MAGI2: variants seen among roughly 807,000 people sequenced by gnomAD.
MAGI2 encodes the protein membrane associated guanylate kinase, WW and PDZ domain containing 2, also known as membrane-associated guanylate kinase, WW and PDZ domain-containing protein 2.
In MAGI2, 35 loss-of-function variants were observed where a neutral mutation model predicts 133.3. That is an observed-to-expected ratio of 0.26 (90% CI 0.20 to 0.35). The LOEUF is 0.35. Among genes scored for constraint, MAGI2 ranks in the 10% least tolerant of loss-of-function variants. The probability of loss-of-function intolerance (pLI) is 1.00; values close to 1 mark genes in which losing one functional copy is unlikely to be tolerated. For synonymous variants in MAGI2, 729 were observed against 710.6 expected, an observed-to-expected ratio of 1.03 and a Z score of -0.41; for missense variants, 1,636 against 1,863.4, an observed-to-expected ratio of 0.88 and a Z score of 2.25.
intron 12 of MAGI2, among the ~76,000 whole-genome samples, chr7:78,192,231 C>A (rs1387206139): frequency 6.6e-6 from 1 of 152,046 alleles, no homozygotes; most frequent in Non-Finnish European, 1.5e-5. Flanking sequence ...TGATTTTTCC[C>A]CCCCCAGGAA....
intron 2 of MAGI2, among the ~76,000 whole-genome samples, chr7:78,739,441 G>C (rs937109628): frequency 6.6e-6 from 1 of 152,136 alleles, no homozygotes; most frequent in East Asian, 1.9e-4. Context: ...GTGATAGAAC[G>C]AGGTGCCACT....
chr7:78,194,238 C>G (rs1828507099), intron 12 of MAGI2, among the ~76,000 whole-genome samples: 1 of 152,168 alleles, frequency 6.6e-6, no homozygotes, highest in African/African-American at 2.4e-5. Context: ...TATCAAAAGC[C>G]TTGTTTTCTA....
At chr7:78,259,355 A>G (rs756716782) in intron 9 of MAGI2, among the ~76,000 whole-genome samples, 1 of 152,170 alleles carries the variant, frequency 6.6e-6, no homozygotes, top group Non-Finnish European at 1.5e-5. Flanking sequence ...TATTAGCTGT[A>G]TAACTTTCCC....
At chr7:79,389,339 T>C (rs1200944128) in intron 1 of MAGI2, among the ~76,000 whole-genome samples, 1 of 152,062 alleles carries the variant, frequency 6.6e-6, no homozygotes, top group East Asian at 1.9e-4. Context: ...ATAGCTAAAT[T>C]GCAAAATTCC....
At chr7:79,181,490 T>C (rs1044969761) in intron 1 of MAGI2, among the ~76,000 whole-genome samples, 1 of 151,882 alleles carries the variant, frequency 6.6e-6, no homozygotes, top group Non-Finnish European at 1.5e-5. Flanking sequence ...ATCAAGTCCC[T>C]AGACTGTACA....
At chr7:78,089,650 T>G (rs1816989347) in intron 20 of MAGI2, among the ~76,000 whole-genome samples, 1 of 152,212 alleles carries the variant, frequency 6.6e-6, no homozygotes, top group Non-Finnish European at 1.5e-5. Flanking sequence ...GAATGCTCTT[T>G]TTAAAATTGC....
chr7:79,010,153 C>T (rs925257556), intron 1 of MAGI2, among the ~76,000 whole-genome samples: 2 of 151,594 alleles, frequency 1.3e-5, no homozygotes, highest in African/African-American at 4.8e-5. Flanking sequence ...TGTGTATACA[C>T]AGTATGTGTG....
chr7:78,696,656 C>T (rs1018397887), intron 2 of MAGI2, among the ~76,000 whole-genome samples: 1 of 151,194 alleles, frequency 6.6e-6, no homozygotes, highest in Admixed American at 6.6e-5. Context: ...TTATTCCAAG[C>T]ACTTGTCATT....
chr7:78,714,887 A>G (rs574690228), intron 2 of MAGI2, among the ~76,000 whole-genome samples: 2 of 152,326 alleles, frequency 1.3e-5, no homozygotes, highest in Admixed American at 1.3e-4. Flanking sequence ...AAGAGCTTTG[A>G]TTAAATTGCT....
intron 10 of MAGI2, among the ~76,000 whole-genome samples, chr7:78,247,011 T>C (rs1791869457): frequency 6.6e-6 from 1 of 152,124 alleles, no homozygotes; most frequent in East Asian, 1.9e-4. Flanking sequence ...GTTGTTACAA[T>C]AGGTTGGCAA....
chr7:78,897,444 A>G (rs1372321202), intron 2 of MAGI2, among the ~76,000 whole-genome samples: 2 of 152,204 alleles, frequency 1.3e-5, no homozygotes, highest in East Asian at 1.9e-4. Context: ...GAGTCAGCTG[A>G]AAATGGCTTT....
At chr7:79,098,180 A>G (rs897430568) in intron 1 of MAGI2, among the ~76,000 whole-genome samples, 6 of 152,092 alleles carry the variant, frequency 3.9e-5, no homozygotes, top group Admixed American at 3.9e-4. Flanking sequence ...TGCAGTCTGG[A>G]ATGTGTGTGT....
intron 1 of MAGI2, among the ~76,000 whole-genome samples, chr7:79,318,231 G>A (rs1261402675): frequency 6.6e-6 from 1 of 152,042 alleles, no homozygotes; most frequent in Non-Finnish European, 1.5e-5. Flanking sequence ...TGGATACATA[G>A]TTAAAACATC....
intron 2 of MAGI2, among the ~76,000 whole-genome samples, chr7:78,700,792 G>A (rs897826583): frequency 2.0e-5 from 3 of 151,770 alleles, no homozygotes; most frequent in African/African-American, 4.8e-5. Flanking sequence ...ATTTCTCATC[G>A]TGACACTTTT....
intron 3 of MAGI2, among the ~76,000 whole-genome samples, chr7:78,605,817 A>G (rs1418433334): frequency 6.6e-6 from 1 of 152,212 alleles, no homozygotes; most frequent in African/African-American, 2.4e-5. Context: ...GCGTGGGGCC[A>G]TATAATTCTC....
At chr7:78,726,745 C>G (rs1055721444) in intron 2 of MAGI2, among the ~76,000 whole-genome samples, 5 of 151,954 alleles carry the variant, frequency 3.3e-5, no homozygotes, top group African/African-American at 1.2e-4. Flanking sequence ...TTAATTTCAA[C>G]TAATTTACAG....
chr7:79,332,039 AG>A (rs1338716466), intron 1 of MAGI2, among the ~76,000 whole-genome samples: 8 of 152,136 alleles, frequency 5.3e-5, no homozygotes, highest in Non-Finnish European at 1.2e-4. Context: ...TATATGTGAC[AG>A]GGGCTGCATT....
chr7:78,972,693 A>G (rs1400069480), intron 2 of MAGI2, among the ~76,000 whole-genome samples: 1 of 151,970 alleles, frequency 6.6e-6, no homozygotes, highest in Non-Finnish European at 1.5e-5. Context: ...GACTTTATCT[A>G]CAAATTTTGT....
At chr7:78,177,427 CA>C (rs749261157) in intron 14 of MAGI2, among the ~76,000 whole-genome samples, 44,687 of 151,466 alleles carry the variant, frequency 0.3, 6,908 homozygotes, top group Middle Eastern at 0.36. Flanking sequence ...CGCACACACA[CA>C]CACACACACA....
Sources: allele counts gnomAD v4.1 joint callset (sites outside exome capture counted in the v4.1 genomes callset), GRCh38; gene constraint gnomAD v4.1.1; transcripts MANE v1.5; gene names NCBI Gene and HGNC (gene_info 2026-07-23, HGNC 2026-07-21).